The following FAM120AOS variants were observed in gnomAD, a reference collection of about 807,000 sequenced individuals.
The protein encoded by FAM120AOS is uncharacterized protein FAM120AOS.
Under a neutral mutation model 20.2 loss-of-function variants are expected in FAM120AOS, and 15 were observed. The ratio of observed to expected loss-of-function variants is 0.74; its 90% CI spans 0.50 to 1.15. The LOEUF is 1.15. Among genes scored for constraint, FAM120AOS ranks in the 50% most tolerant of loss-of-function variants. The pLI, the probability that FAM120AOS is intolerant of heterozygous loss-of-function variation, is 0.00. For synonymous variants in FAM120AOS, 154 were observed against 154.0 expected (o/e 1.00, Z 0.00); for missense variants, 327 against 351.9 (o/e 0.93, Z 0.57).
At chr9:93,451,865 C>T (rs1389818823) in intron 1 of FAM120AOS, 4 of 1,067,140 alleles carry the variant, frequency 3.7e-6, no homozygotes, top group Non-Finnish European at 4.5e-6. Flanking sequence ...CCCACCACCC[C>T]CGGCCCCGCC....
rs141514940 is a variant in FAM120AOS at position 93,443,902 on chromosome 9, A to G, written c.*3709T>C. Among the ~76,000 whole-genome samples the G allele has an allele frequency of 2.5e-3, 388 of 152,332 alleles. 2 individuals are homozygous for G. The highest frequency in any genetic ancestry group is 9.0e-3 in the African/African-American group (373 of 41,574). Reference sequence around the variant, plus strand: ...CCTACACTGCCTGCTCATTTTGCCAAAAGGAACGCCCCTCAGGCAGAAAGC... The same window carrying G: ...CCTACACTGCCTGCTCATTTTGCCAGAAGGAACGCCCCTCAGGCAGAAAGC... On this transcript the variant is annotated 3_prime_UTR_variant, in exon 3 of 3. Transcript: ENST00000375412.
rs1014339734 is a variant in FAM120AOS, at chr9:93,445,969, A to G, written c.*1642T>C. Among the ~76,000 whole-genome samples, 1 of 152,174 alleles carries G rather than the reference A, an allele frequency of 6.6e-6. No homozygotes were observed. The highest frequency in any genetic ancestry group is 1.5e-5 in the Non-Finnish European group (1 of 68,020). ...TCCTCACTTCTGAGTGCACTGATGC[A>G]GTAGATGGATGTCTCAGATCCCTCA... On this transcript the variant is annotated 3_prime_UTR_variant, in exon 3 of 3. Transcript: ENST00000375412.
rs3924389 is a variant in FAM120AOS at position 93,444,717 on chromosome 9, G to C, written c.*2894C>G. ...GCAACCTCCGCCTCCCAGGTTCAAG[G>C]GATTCTTCTGCCTCAGCCTCCCTAG... On this transcript the variant is annotated 3_prime_UTR_variant, in exon 3 of 3. Transcript: ENST00000375412. Among the ~76,000 whole-genome samples, 98,952 of 151,686 alleles carry C rather than the reference G, an allele frequency of 0.65. 33,430 individuals are homozygous for C. Among genetic ancestry groups the C allele is most frequent in the African/African-American group, 0.83 (34,249 of 41,388 alleles).
chr9:93,450,967 TC>T (rs2131149588), intron 1 of FAM120AOS: 1 of 1,455,960 alleles, frequency 6.9e-7, no homozygotes, highest in Non-Finnish European at 9.4e-7. Context: ...GACAGTCTCT[TC>T]CGTGACGAGC....
intron 2 of FAM120AOS, among the ~76,000 whole-genome samples, chr9:93,447,938 T>C (rs768249479): frequency 2.6e-5 from 4 of 152,196 alleles, no homozygotes; most frequent in Admixed American, 6.5e-5. Context: ...TACAGATGTG[T>C]GTGTTCTTCT....
Position 93,445,579 on chromosome 9 carries a change from C to G in FAM120AOS, c.*2032G>C, listed in dbSNP as rs1028535769. 1.9e-4 allele frequency among the ~76,000 whole-genome samples: 24 copies of G among 124,122 alleles called. No individual in the cohort carries two copies. Among genetic ancestry groups the G allele is most frequent in the Non-Finnish European group, 3.5e-4 (21 of 59,500 alleles). 81.4% of individuals were successfully genotyped at this position (124,122 alleles called of 152,430 possible). A position where few individuals can be genotyped will look rare whatever the true frequency, so the allele number is the denominator to read the frequency against. Reference sequence around the variant, plus strand: ...CTGGTTCTCCAACTTTCATAAAAATCGTTGTTTTTTTTTTTTTTTTTTTTT... The same window carrying G: ...CTGGTTCTCCAACTTTCATAAAAATGGTTGTTTTTTTTTTTTTTTTTTTTT... On this transcript the variant is annotated 3_prime_UTR_variant, in exon 3 of 3. Coordinates refer to ENST00000375412, the MANE Select transcript of FAM120AOS (RefSeq NM_198841.4).
In FAM120AOS at chr9:93,452,501, C is replaced by T. The variant is rs927012067; in HGVS notation, c.209G>A (p.Gly70Glu). Residue 70 changes from glycine to glutamate, a missense_variant, in exon 1 of 3, where the codon GGA becomes GAA. By Grantham distance (98) the Gly-to-Glu change is moderately conservative. Coordinates refer to ENST00000375412, the MANE Select transcript of FAM120AOS (RefSeq NM_198841.4). This position sits in a 1 kb window ranked among gnomAD's most constrained non-coding sequence, Gnocchi z 7.0. ...PARLSRARAG[G>E]TRCPQRRHGR... is the part of the protein sequence containing the mutation. Reference sequence around the variant, plus strand: ...GTGGCGGCGCTGGGGGCAGCGAGTTCCCCCAGCCCTTGCCCGGGATAGCCT... The same window carrying T: ...GTGGCGGCGCTGGGGGCAGCGAGTTTCCCCAGCCCTTGCCCGGGATAGCCT... 1.3e-6 allele frequency: 2 copies of T among 1,547,156 alleles called. No individual in the cohort carries two copies. The highest frequency in any genetic ancestry group is 8.7e-7 in the Non-Finnish European group (1 of 1,151,446).
chr9:93,451,977 T>C, intron 1 of FAM120AOS, 170 bp downstream of exon 1: 1 of 1,542,606 alleles, frequency 6.5e-7, no homozygotes, highest in Non-Finnish European at 8.7e-7. Flanking sequence ...GTGGTGCCGG[T>C]GGAGCTGCAG....
chr9:93,451,622 G>A, intron 1 of FAM120AOS: 3 of 982,064 alleles, frequency 3.1e-6, no homozygotes, highest in Non-Finnish European at 3.6e-6. Context: ...GTCCGCGCCG[G>A]GCGGGTCCGC....
Position 93,447,615 on chromosome 9 carries a change from A to G in FAM120AOS, c.767T>C (p.Ile256Thr). 6.2e-7 allele frequency: 1 copy of G among 1,613,818 alleles called. No individual in the cohort carries two copies. Among genetic ancestry groups the G allele is most frequent in the South Asian group, 1.1e-5 (1 of 91,044 alleles). ...GCAGAACTTGACCCTAGTTTTTCAA[A>G]TTGGACTCAAGAATGATCTTAGTGT... ...PPTLRSFLSP[I>T] Residue 256 changes from isoleucine to threonine, a missense_variant, in exon 3 of 3, where the codon ATT (isoleucine) becomes ACT (threonine). Ile to Thr is a moderately conservative substitution (Grantham distance 89). Coordinates refer to ENST00000375412, the MANE Select transcript of FAM120AOS (RefSeq NM_198841.4).
intron 1 of FAM120AOS, 132 bp from the exon 2 acceptor site, chr9:93,450,731 A>C (rs1857110699): frequency 1.0e-5 from 14 of 1,373,996 alleles, no homozygotes; most frequent in Non-Finnish European, 1.1e-5. Flanking sequence ...ATGCAAGCCT[A>C]ATATACATAC....
In FAM120AOS at chr9:93,452,443, C is replaced by T. The variant is rs776773791; in HGVS notation, c.267G>A (p.Gly89=). The T allele has an allele frequency of 2.1e-5, 32 of 1,560,190 alleles. No homozygotes were observed. In the South Asian group the frequency reaches 3.5e-4, roughly 17 times the overall value. Residue 89 remains glycine, a synonymous_variant, in exon 1 of 3, where the codon GGG becomes GGA. Transcript: ENST00000375412. This position sits in a 1 kb window ranked among gnomAD's most constrained non-coding sequence, Gnocchi z 7.0. ...GACCGGGGCCGCGCCGCACCCCTAT[C>T]CCCCTTCCCAGGGCGCAGAATGTCG... is the stretch of plus-strand genomic sequence containing the variant. ...GRATFCALGR[G]IGVRRGPGPR... is the part of the protein sequence containing the mutation.
At position 93,450,805 on chromosome 9, in the gene FAM120AOS, C is replaced by T. The variant is rs748845603; in HGVS notation, c.564-206G>A. ...TTGGAACAGAATTTACGTAAACGACCTCCTTCCAGAAGATGCTACTAAAGC... is the reference window on the plus strand; with the variant it reads ...TTGGAACAGAATTTACGTAAACGACTTCCTTCCAGAAGATGCTACTAAAGC... On this transcript the variant is annotated intron_variant, in intron 1 of 2. Transcript: ENST00000375412. The T allele has an allele frequency of 3.1e-6, 3 of 959,242 alleles. No homozygotes were observed. The Admixed American group carries it at 6.0e-5, about 19-fold the overall frequency. 59.4% of individuals were successfully genotyped at this position (959,242 alleles called of 1,614,324 possible). A position where few individuals can be genotyped will look rare whatever the true frequency, so the allele number is the denominator to read the frequency against.
At chr9:93,451,538 C>T (rs1357337361) in intron 1 of FAM120AOS, 1 of 989,634 alleles carries the variant, frequency 1.0e-6, no homozygotes, top group East Asian at 1.1e-4. Flanking sequence ...GCCTCCGCCG[C>T]CGCCTCCGGG....
In FAM120AOS at chr9:93,453,574, T is replaced by G; in HGVS notation, c.-865A>C. On this transcript the variant is annotated 5_prime_UTR_variant, in exon 1 of 3. Coordinates refer to ENST00000375412, the MANE Select transcript of FAM120AOS (RefSeq NM_198841.4). The stretch of plus-strand genomic sequence containing the variant: ...ACTGCCCGCGAGGAGATGGTGGTAG[T>G]TAAGCCTAAAATGATAGCGGAAGTC... The G allele has an allele frequency of 2.0e-6, 2 of 985,324 alleles. No individual in the cohort carries two copies. The highest frequency in any genetic ancestry group is 2.4e-6 in the Non-Finnish European group (2 of 829,924). The allele number at this position is 985,324 out of a possible 1,614,324, so 61.0% of individuals were successfully genotyped here. A position where few individuals can be genotyped will look rare whatever the true frequency, so the allele number is the denominator to read the frequency against.
At chr9:93,451,368 C>A in intron 1 of FAM120AOS, 1 of 1,415,194 alleles carries the variant, frequency 7.1e-7, no homozygotes, top group African/African-American at 1.5e-5. Context: ...AACCACCGGG[C>A]GGAGGCGGCG....
At chr9:93,451,731 C>G in intron 1 of FAM120AOS, 11 of 986,906 alleles carry the variant, frequency 1.1e-5, no homozygotes, top group Non-Finnish European at 1.3e-5. Context: ...GGTCCCTCCC[C>G]AGACATGGCC....
At position 93,446,356 on chromosome 9, in the gene FAM120AOS, G is replaced by C. The variant is rs1588736465; in HGVS notation, c.*1255C>G. The C allele has an allele frequency of 6.6e-6, 1 of 152,152 alleles. No individual in the cohort carries two copies. The highest frequency in any genetic ancestry group is 2.1e-4 in the South Asian group (1 of 4,832). 9.4% of individuals were successfully genotyped at this position (152,152 alleles called of 1,614,324 possible). On this transcript the variant is annotated 3_prime_UTR_variant, in exon 3 of 3. Transcript: ENST00000375412. ...AGTGTTTTCATATTCTGGTATGAGA[G>C]ACTTGCTTCCTCTGGAAAGATCTTT...
Position 93,453,071 on chromosome 9 carries a change from C to T in FAM120AOS, c.-362G>A, listed in dbSNP as rs1857352433. Reference sequence around the variant, plus strand: ...GCACTTTGACAGGATGGGATTTTGTCAGTTCTGTGACTTCACGTCCGTGTG... The same window carrying T: ...GCACTTTGACAGGATGGGATTTTGTTAGTTCTGTGACTTCACGTCCGTGTG... On this transcript the variant is annotated 5_prime_UTR_variant, in exon 1 of 3. The change abolishes the stop of an existing upstream ORF in the 5' untranslated region. Transcript: ENST00000375412. 1 of 1,091,386 alleles carries T rather than the reference C, an allele frequency of 9.2e-7. No homozygotes were observed. The highest frequency in any genetic ancestry group is 1.1e-6 in the Non-Finnish European group (1 of 896,410). The allele number at this position is 1,091,386 out of a possible 1,614,324, so 67.6% of individuals were successfully genotyped here.
Sources: allele counts gnomAD v4.1 joint callset (sites outside exome capture counted in the v4.1 genomes callset), GRCh38; gene constraint gnomAD v4.1.1; non-coding constraint Gnocchi (gnomAD v3.1); transcripts MANE v1.5; gene names NCBI Gene and HGNC (gene_info 2026-07-23, HGNC 2026-07-21).